Variants in NFKBIB observed in about 807,000 individuals in gnomAD.
NFKBIB encodes NFKB inhibitor beta.
A neutral mutation model predicts 32.1 loss-of-function variants in NFKBIB; 16 were observed. That is an observed-to-expected ratio of 0.50 (90% CI 0.34 to 0.76). The LOEUF (loss-of-function observed/expected upper bound fraction) is 0.76, where lower values mean the gene tolerates loss of function less well. Among genes scored for constraint, NFKBIB ranks in the 30% least tolerant of loss-of-function variants. The probability of loss-of-function intolerance (pLI) is 0.01; values close to 1 mark genes in which losing one functional copy is unlikely to be tolerated. For synonymous variants in NFKBIB, 222 were observed against 219.5 expected (o/e 1.01, Z -0.10); for missense variants, 437 against 514.9 (o/e 0.85, Z 1.46).
At position 38,904,775 on chromosome 19, in the gene NFKBIB, G is replaced by A. The variant is rs578040963; in HGVS notation, c.180-240G>A. Among the ~76,000 whole-genome samples the A allele has an allele frequency of 2.0e-5, 3 of 152,184 alleles. No homozygotes were observed. In the South Asian group the frequency reaches 6.2e-4, roughly 32 times the overall value. On this transcript the variant is annotated intron_variant, in intron 1 of 5. Coordinates refer to ENST00000313582, the MANE Select transcript of NFKBIB (RefSeq NM_002503.5). Reference sequence around the variant, plus strand: ...TTGTTTGTTTGTTTGTTTGTTTCACGTGGGAGTGAATTCTGGTCCATGTTA... The same window carrying A: ...TTGTTTGTTTGTTTGTTTGTTTCACATGGGAGTGAATTCTGGTCCATGTTA...
At chr19:38,906,351 C>T (rs1974117074) in intron 3 of NFKBIB, among the ~76,000 whole-genome samples, 1 of 151,508 alleles carries the variant, frequency 6.6e-6, no homozygotes, top group Non-Finnish European at 1.5e-5. Context: ...ACCATGTTGA[C>T]CAGGCTGGTC....
chr19:38,908,293 C>A, intron 5 of NFKBIB: 1 of 987,106 alleles, frequency 1.0e-6, no homozygotes, highest in Non-Finnish European at 1.2e-6. Context: ...GTAATCCCAG[C>A]ACTTTGGGAG....
At position 38,907,193 on chromosome 19, in the gene NFKBIB, CATCTGACGCCA is replaced by C; in HGVS notation, c.620-24_620-14del. On this transcript the variant is annotated splice_polypyrimidine_tract_variant and intron_variant, in intron 3 of 5. Transcript: ENST00000313582. ...GGGGTGGGGGGGGCCCTCACCTCATCATCTGACGCCAATCACTCTGTCCCCAGGCCACACCC... is the reference window on the plus strand; with the variant it reads ...GGGGTGGGGGGGGCCCTCACCTCATCATCACTCTGTCCCCAGGCCACACCC... 2 of 1,586,782 alleles carry C rather than the reference CATCTGACGCCA, an allele frequency of 1.3e-6. No homozygotes were observed. Among genetic ancestry groups the C allele is most frequent in the Non-Finnish European group, 1.7e-6 (2 of 1,159,974 alleles).
At chr19:38,902,056 CCTT>C (rs1330178259) in intron 1 of NFKBIB, among the ~76,000 whole-genome samples, 2 of 142,262 alleles carry the variant, frequency 1.4e-5, no homozygotes, top group East Asian at 4.2e-4. Context: ...CAATCCTGCT[CCTT>C]CTGTATAGTG....
intron 5 of NFKBIB, chr19:38,907,871 G>A: frequency 1.4e-6 from 2 of 1,401,640 alleles, no homozygotes; most frequent in Non-Finnish European, 1.9e-6. Flanking sequence ...TAAGGCAGTG[G>A]CAAAGGTAGA....
rs1347933453 is a variant in NFKBIB, at chr19:38,907,213, G to A, written c.620-8G>A. The A allele has an allele frequency of 1.2e-6, 2 of 1,606,382 alleles. No homozygotes were observed. The highest frequency in any genetic ancestry group is 2.2e-5 in the East Asian group (1 of 44,628). On this transcript the variant is annotated splice_polypyrimidine_tract_variant and splice_region_variant and intron_variant, in intron 3 of 5. Transcript: ENST00000313582. ...CTCATCATCTGACGCCAATCACTCT[G>A]TCCCCAGGCCACACCCCACTCCACG...
intron 1 of NFKBIB, 61 bp from the exon 2 acceptor site, chr19:38,904,954 T>C: frequency 1.3e-6 from 2 of 1,518,094 alleles, no homozygotes; most frequent in South Asian, 1.2e-5. Context: ...CCCATGTTTG[T>C]TCAATGAAGG....
At chr19:38,904,476 A>ACT (rs199968993) in intron 1 of NFKBIB, among the ~76,000 whole-genome samples, 14 of 86,226 alleles carry the variant, frequency 1.6e-4, no homozygotes, top group Non-Finnish European at 3.0e-4. Context: ...TCCTTTGGCA[A>ACT]CTCTGTTTTG....
intron 3 of NFKBIB, among the ~76,000 whole-genome samples, chr19:38,906,426 G>C (rs1974120221): frequency 6.6e-6 from 1 of 150,858 alleles, no homozygotes; most frequent in African/African-American, 2.4e-5. Context: ...TGGGATTACA[G>C]GTGTGAGCCA....
chr19:38,899,969 G>C lies in NFKBIB; in HGVS notation c.-64G>C. ...AATTTCCCGCAGGGCGGAAGCTCCAGAACTCCCGGCAAAGCCCAGCTACAG... is the reference window on the plus strand; with the variant it reads ...AATTTCCCGCAGGGCGGAAGCTCCACAACTCCCGGCAAAGCCCAGCTACAG... On this transcript the variant is annotated 5_prime_UTR_variant, in exon 1 of 6. Coordinates refer to ENST00000313582, the MANE Select transcript of NFKBIB (RefSeq NM_002503.5). 1.4e-6 allele frequency: 2 copies of C among 1,424,988 alleles called. No homozygotes were observed. Among genetic ancestry groups the C allele is most frequent in the East Asian group, 2.5e-5 (1 of 39,664 alleles). 88.3% of individuals were successfully genotyped at this position (1,424,988 alleles called of 1,614,324 possible).
chr19:38,904,085 AAATAAATAAAT>A (rs1288500344), intron 1 of NFKBIB, among the ~76,000 whole-genome samples: 3 of 23,082 alleles, frequency 1.3e-4, no homozygotes, highest in African/African-American at 2.1e-4. Flanking sequence ...ATAAAAATTA[AAATAAATAAAT>A]AAATAAATAA....
In NFKBIB at chr19:38,905,869, T is replaced by C. The variant is rs1400882210; in HGVS notation, c.619+334T>C. On this transcript the variant is annotated intron_variant, in intron 3 of 5. Transcript: ENST00000313582. The surrounding 1 kb of genome is among the most constrained non-coding windows in gnomAD (Gnocchi z 5.5). ...CCCTACCCTACCCAGGACCGGGGAATGCAGAGCTCAGGCCCTCTGTGAAAC... is the reference window on the plus strand; with the variant it reads ...CCCTACCCTACCCAGGACCGGGGAACGCAGAGCTCAGGCCCTCTGTGAAAC... Among the ~76,000 whole-genome samples, 1 of 152,096 alleles carries C rather than the reference T, an allele frequency of 6.6e-6. No homozygotes were observed. Among genetic ancestry groups the C allele is most frequent in the Non-Finnish European group, 1.5e-5 (1 of 68,006 alleles).
rs17878402 is a variant in NFKBIB at position 38,904,586 on chromosome 19, C to T, written c.180-429C>T. Reference sequence around the variant, plus strand: ...ACCTGATGCGCTCTGCTTGGATTCCCCTCTCTGCACCGTGGCTTTGAAACT... The same window carrying T: ...ACCTGATGCGCTCTGCTTGGATTCCTCTCTCTGCACCGTGGCTTTGAAACT... On this transcript the variant is annotated intron_variant, in intron 1 of 5. Transcript: ENST00000313582. Among the ~76,000 whole-genome samples the T allele has an allele frequency of 2.3e-3, 356 of 152,214 alleles. 4 individuals are homozygous for T. The highest frequency in any genetic ancestry group is 8.2e-3 in the African/African-American group (341 of 41,536).
intron 3 of NFKBIB, among the ~76,000 whole-genome samples, chr19:38,906,132 T>C (rs921420464): frequency 1.4e-5 from 1 of 70,084 alleles, no homozygotes; most frequent in Non-Finnish European, 2.8e-5. Context: ...ACTTGGTACC[T>C]TTTTTTTTTT....
chr19:38,903,200 T>C (rs1266338136), intron 1 of NFKBIB, among the ~76,000 whole-genome samples: 1 of 152,176 alleles, frequency 6.6e-6, no homozygotes, highest in African/African-American at 2.4e-5. Flanking sequence ...TGCTGTAGGG[T>C]TGATAGTTTA....
Position 38,907,606 on chromosome 19 carries a change from G to A in NFKBIB, c.916G>A (p.Glu306Lys), listed in dbSNP as rs752531289. ...AGCCCCTGAGCCCGAGGGCGAGGAC[G>A]AGAAATCCGGCCCCTGCAGCAGCAG... ...HGAPEPEGEDEKSGPCSSSSD... is the reference protein window; with the variant it reads ...HGAPEPEGEDKKSGPCSSSSD... Residue 306 changes from glutamate to lysine, a missense_variant, in exon 5 of 6, where the codon GAG becomes AAG. Coordinates refer to ENST00000313582, the MANE Select transcript of NFKBIB (RefSeq NM_002503.5). The A allele has an allele frequency of 1.5e-5, 24 of 1,611,638 alleles. No homozygotes were observed. The Admixed American group carries it at 1.5e-4, about 10-fold the overall frequency.
chr19:38,899,811 C>T (rs908099987), upstream of NFKBIB: 4 of 684,718 alleles, frequency 5.8e-6, no homozygotes, highest in East Asian at 8.2e-5. Flanking sequence ...TGGTAAAGGG[C>T]GCCCGGAAAA....
At chr19:38,902,872 G>T (rs1018631317) in intron 1 of NFKBIB, among the ~76,000 whole-genome samples, 1 of 152,044 alleles carries the variant, frequency 6.6e-6, no homozygotes, top group African/African-American at 2.4e-5. Flanking sequence ...TCAGGAGATC[G>T]AGACCATCCT....
At chr19:38,908,207 T>C (rs1177428074) in intron 5 of NFKBIB, 1 of 992,446 alleles carries the variant, frequency 1.0e-6, no homozygotes, top group Non-Finnish European at 1.2e-6. Flanking sequence ...AACTCTGGAG[T>C]GGCGGCTGGC....
Sources: allele counts gnomAD v4.1 joint callset (sites outside exome capture counted in the v4.1 genomes callset), GRCh38; gene constraint gnomAD v4.1.1; non-coding constraint Gnocchi (gnomAD v3.1); transcripts MANE v1.5; gene names NCBI Gene and HGNC (gene_info 2026-07-23, HGNC 2026-07-21).